SH2B1: variants seen among roughly 807,000 people sequenced by gnomAD.
SH2B1 encodes the protein SH2B adapter protein 1.
Under a neutral mutation model 62.6 loss-of-function variants are expected in SH2B1, and 15 were observed. That is an observed-to-expected ratio of 0.24 (90% CI 0.16 to 0.37). The LOEUF (loss-of-function observed/expected upper bound fraction) is 0.37, where lower values mean the gene tolerates loss of function less well. SH2B1 is among the 10% of genes least tolerant of loss of function. The probability of loss-of-function intolerance (pLI) is 1.00; values close to 1 mark genes in which losing one functional copy is unlikely to be tolerated. For synonymous variants in SH2B1, 443 were observed against 438.0 expected (o/e 1.01, Z -0.14); for missense variants, 925 against 1,015.6 (o/e 0.91, Z 1.21).
chr16:28,852,340 T>TTA (rs1205235580), intron 1 of SH2B1, among the ~76,000 whole-genome samples: 1 of 63,054 alleles, frequency 1.6e-5, no homozygotes, highest in African/African-American at 7.5e-5. Context: ...ACATATATAT[T>TTA]TACATATATA....
rs763884189 is a variant in SH2B1 at position 28,872,218 on chromosome 16, G to C, written c.1542G>C (p.Glu514Asp). ...TGSFLFQGEP[E>D]GGEGDQPLSG... is the part of the protein sequence containing the mutation. ...CCTTCCTGTTCCAGGGGGAGCCAGA[G>C]GGCGGTGAGGGGGACCAGCCCCTCT... The change falls in exon 6 of 8, where the codon GAG becomes GAC. Residue 514 changes from glutamate (E) to aspartate (D), a missense_variant. Glu to Asp is a conservative substitution (Grantham distance 45). Transcript: ENST00000684370. The surrounding 1 kb of genome is among the most constrained non-coding windows in gnomAD (Gnocchi z 5.3). The C allele has an allele frequency of 4.7e-5, 76 of 1,613,542 alleles. No individual in the cohort carries two copies. The highest frequency in any genetic ancestry group is 6.4e-5 in the Non-Finnish European group (76 of 1,179,754).
Position 28,866,561 on chromosome 16 carries a change from G to A in SH2B1, c.467G>A (p.Arg156His), listed in dbSNP as rs1198783948. 2.5e-6 allele frequency: 4 copies of A among 1,613,874 alleles called. No homozygotes were observed. Among genetic ancestry groups the A allele is most frequent in the East Asian group, 2.2e-5 (1 of 44,862 alleles). Residue 156 changes from arginine (R) to histidine (H), a missense_variant, in exon 1 of 8, where the codon CGT (arginine) becomes CAT (histidine). Around this residue, in one of 3 missense-constraint regions of SH2B1, gnomAD observed 683 missense variants for 704.0 expected, o/e 0.97. Transcript: ENST00000684370. The surrounding 1 kb of genome is among the most constrained non-coding windows in gnomAD (Gnocchi z 6.3). ...AAGCTCAAGAAGCGCTTTTCCCTGCGTTCAGTGGGTCGCTCTGTCCGAGGC... is the reference window on the plus strand; with the variant it reads ...AAGCTCAAGAAGCGCTTTTCCCTGCATTCAGTGGGTCGCTCTGTCCGAGGC... ...KPKLKKRFSL[R>H]SVGRSVRGSV... is the part of the protein sequence containing the mutation.
At chr16:28,859,897 A>C (rs1962403721), upstream of SH2B1, among the ~76,000 whole-genome samples, 1 of 117,634 alleles carries the variant, frequency 8.5e-6, no homozygotes, top group South Asian at 3.2e-4. Context: ...TTTCATGTTT[A>C]AGTTAGCTGG....
rs542758246 is a variant in SH2B1 at position 28,858,127 on chromosome 16, C to G, written c.-300-3491C>G. Among the ~76,000 whole-genome samples, 3 of 152,288 alleles carry G rather than the reference C, an allele frequency of 2.0e-5. No individual in the cohort carries two copies. In the South Asian group the frequency reaches 6.2e-4, roughly 32 times the overall value. On this transcript the variant is annotated intron_variant, in intron 1 of 10. Coordinates refer to the SH2B1 transcript ENST00000322610. The stretch of plus-strand genomic sequence containing the variant: ...CCTGGGGGTTGGGCTGGCTCAAAAT[C>G]CCAACCCTCTAATCACAAGGTTGGT...
In SH2B1 at chr16:28,869,292, C is replaced by G; in HGVS notation, c.1218C>G (p.Ser406Arg). 6.2e-7 allele frequency: 1 copy of G among 1,614,160 alleles called. No individual in the cohort carries two copies. Among genetic ancestry groups the G allele is most frequent in the Non-Finnish European group, 8.5e-7 (1 of 1,180,018 alleles). ...TSFLTRENTD[S>R]LELSCLNHSE... The stretch of plus-strand genomic sequence containing the variant: ...TCCTTACAAGGGAGAACACAGACAG[C>G]CTGGAGCTGTCCTGCCTGAATCACT... The change falls in exon 4 of 8, where the codon AGC (serine) becomes AGG (arginine). Residue 406 changes from serine (S) to arginine (R), a missense_variant. By Grantham distance (110) the Ser-to-Arg change is moderately radical. Coordinates refer to ENST00000684370, the MANE Select transcript of SH2B1 (RefSeq NM_001387430.1).
rs1184261834 is a variant in SH2B1 at position 28,852,196 on chromosome 16, T to TTATATATTTACATATATATATTTACA, written c.-301+5403_-301+5428dup. On this transcript the variant is annotated intron_variant, in intron 1 of 10. Transcript: ENST00000322610. ...TATCCAAAAATATATATATTTTTAT[T>TTATATATTTACATATATATATTTACA]TATATATTTACATATATATATTTAC... Among the ~76,000 whole-genome samples the TTATATATTTACATATATATATTTACA allele has an allele frequency of 8.7e-3, 718 of 82,876 alleles. 97 individuals carry two copies. The highest frequency in any genetic ancestry group is 0.012 in the Non-Finnish European group (518 of 43,988). 54.4% of individuals were successfully genotyped at this position (82,876 alleles called of 152,430 possible).
At chr16:28,859,710 GA>G (rs1044650977), upstream of SH2B1, among the ~76,000 whole-genome samples, 51 of 141,126 alleles carry the variant, frequency 3.6e-4, 1 homozygote, top group South Asian at 6.8e-4. Flanking sequence ...CCTGTATCAG[GA>G]AAAAAAAAAA....
chr16:28,872,408 C>T lies in SH2B1; in HGVS notation c.1725+7C>T, dbSNP rs1170695367. 2.5e-6 allele frequency: 4 copies of T among 1,594,500 alleles called. No homozygotes were observed. Among genetic ancestry groups the T allele is most frequent in the Non-Finnish European group, 3.4e-6 (4 of 1,168,992 alleles). On this transcript the variant is annotated splice_region_variant and intron_variant, in intron 6 of 7. Coordinates refer to ENST00000684370, the MANE Select transcript of SH2B1 (RefSeq NM_001387430.1). This position sits in a 1 kb window ranked among gnomAD's most constrained non-coding sequence, Gnocchi z 5.3. ...CTTCCAGGGCAAGGCCAAGGTGAGC[C>T]ACCCTGTGGGAAAGGCTCTGTTCTG...
rs1461016244 is a variant in SH2B1 at position 28,863,896 on chromosome 16, C to G, written c.-2199C>G. The G allele has an allele frequency of 1.4e-5, 8 of 565,648 alleles. No homozygotes were observed. 35.0% of individuals were successfully genotyped at this position (565,648 alleles called of 1,614,324 possible). On this transcript the variant is annotated 5_prime_UTR_variant, in exon 1 of 8. Transcript: ENST00000684370. The stretch of plus-strand genomic sequence containing the variant: ...GGGTGGGGGCGCAGGGAGCGGGAGC[C>G]GCCGCCGCCGCCGCCGCCGCCGGAG...
chr16:28,856,272 C>CAAA (rs56248422), intron 1 of SH2B1, among the ~76,000 whole-genome samples: 1 of 97,424 alleles, frequency 1.0e-5, no homozygotes, highest in African/African-American at 4.2e-5. Context: ...GACTCCATCT[C>CAAA]AAAAAAAAAA....
At chr16:28,863,710 G>A (rs1404074573), upstream of SH2B1, 1 of 1,535,750 alleles carries the variant, frequency 6.5e-7, no homozygotes. Flanking sequence ...GATTCACACC[G>A]TCTTCGGTCT....
chr16:28,873,840 C>G lies in SH2B1; in HGVS notation c.*20C>G. 1 of 1,418,986 alleles carries G rather than the reference C, an allele frequency of 7.0e-7. No homozygotes were observed. The highest frequency in any genetic ancestry group is 9.2e-7 in the Non-Finnish European group (1 of 1,089,130). The allele number at this position is 1,418,986 out of a possible 1,614,324, so 87.9% of individuals were successfully genotyped here. A position where few individuals can be genotyped will look rare whatever the true frequency, so the allele number is the denominator to read the frequency against. On this transcript the variant is annotated 3_prime_UTR_variant, in exon 8 of 8. Transcript: ENST00000684370. The surrounding 1 kb of genome is among the most constrained non-coding windows in gnomAD (Gnocchi z 4.2). The stretch of plus-strand genomic sequence containing the variant: ...GTGTGAGCCAACCCCACCCGCTCCA[C>G]CCTTTTTAAACCCCCCAGCCCTGCT...
chr16:28,861,375 C>T (rs899768921), upstream of SH2B1, among the ~76,000 whole-genome samples: 1 of 152,038 alleles, frequency 6.6e-6, no homozygotes. Context: ...TCATGATGCG[C>T]CCGCCTCAGC....
In SH2B1 at chr16:28,873,095, C is replaced by T. The variant is rs1407288415; in HGVS notation, c.1898-352C>T. 3 of 978,958 alleles carry T rather than the reference C, an allele frequency of 3.1e-6. No homozygotes were observed. The African/African-American group carries it at 4.9e-5, about 16-fold the overall frequency. 60.6% of individuals were successfully genotyped at this position (978,958 alleles called of 1,614,324 possible). ...ATCCCCTTCCCTCCTCCCTCAATGT[C>T]TCATGTCCCTGTCTGATCTCTCCCT... is the stretch of plus-strand genomic sequence containing the variant. On this transcript the variant is annotated intron_variant, in intron 7 of 7. Coordinates refer to ENST00000684370, the MANE Select transcript of SH2B1 (RefSeq NM_001387430.1). The surrounding 1 kb of genome is among the most constrained non-coding windows in gnomAD (Gnocchi z 4.2).
rs376002052 is a variant in SH2B1 at position 28,857,809 on chromosome 16, G to A, written c.-300-3809G>A. ...GGCTGGAGTGCAGTGGCGCAATCTC[G>A]GCTCACTGCAAGCTCCGCCTCCTGG... On this transcript the variant is annotated intron_variant, in intron 1 of 10. Coordinates refer to the SH2B1 transcript ENST00000322610. Among the ~76,000 whole-genome samples, 27 of 151,206 alleles carry A rather than the reference G, an allele frequency of 1.8e-4. No homozygotes were observed. The East Asian group carries it at 3.3e-3, about 19-fold the overall frequency.
chr16:28,857,859 A>C (rs931694422), intron 1 of SH2B1, among the ~76,000 whole-genome samples: 5 of 150,374 alleles, frequency 3.3e-5, no homozygotes, highest in South Asian at 2.1e-4. Context: ...CCTGCCTCAG[A>C]CTCCCGAGTA....
upstream of SH2B1, chr16:28,863,262 C>G (rs1213540431): frequency 1.8e-5 from 3 of 168,122 alleles, no homozygotes; most frequent in Middle Eastern, 3.0e-3. Flanking sequence ...ACCCCCTCCC[C>G]CACCACTACC....
At chr16:28,857,801 GCA>G (rs1962355371) in intron 1 of SH2B1, among the ~76,000 whole-genome samples, 1 of 150,816 alleles carries the variant, frequency 6.6e-6, no homozygotes, top group African/African-American at 2.4e-5. Flanking sequence ...GTGCAGTGGC[GCA>G]ATCTCGGCTC....
intron 1 of SH2B1, among the ~76,000 whole-genome samples, chr16:28,847,816 CTTTTTT>C (rs34950443): frequency 2.4e-5 from 2 of 84,244 alleles, no homozygotes; most frequent in African/African-American, 1.2e-4. Context: ...AAGACCCCAT[CTTTTTT>C]TTTTTTTTTT....
Sources: allele counts gnomAD v4.1 joint callset (sites outside exome capture counted in the v4.1 genomes callset), GRCh38; gene constraint gnomAD v4.1.1; regional missense constraint gnomAD v4.1.1; non-coding constraint Gnocchi (gnomAD v3.1); transcripts MANE v1.5; gene names NCBI Gene and HGNC (gene_info 2026-07-23, HGNC 2026-07-21).